Variants in CAB39L observed in about 807,000 individuals in gnomAD.
The protein encoded by CAB39L is calcium binding protein 39 like.
Under a neutral mutation model 39.1 loss-of-function variants are expected in CAB39L, and 23 were observed. The ratio of observed to expected loss-of-function variants is 0.59; its 90% CI spans 0.42 to 0.83. The LOEUF is 0.83. Among genes scored for constraint, CAB39L ranks in the 40% least tolerant of loss-of-function variants. The pLI is 0.00. For missense variants in CAB39L, 366 were observed against 391.9 expected, an observed-to-expected ratio of 0.93 and a Z score of 0.56; for synonymous variants, 126 against 137.2, an observed-to-expected ratio of 0.92 and a Z score of 0.57.
At chr13:49,406,424 C>A (rs1029761602) in intron 3 of CAB39L, among the ~76,000 whole-genome samples, 5 of 150,462 alleles carry the variant, frequency 3.3e-5, no homozygotes, top group African/African-American at 1.2e-4. Flanking sequence ...TCTTGATCCG[C>A]CTACCTCGGC....
intron 3 of CAB39L, among the ~76,000 whole-genome samples, chr13:49,386,297 C>A (rs1405832186): frequency 6.6e-6 from 1 of 152,100 alleles, no homozygotes; most frequent in East Asian, 1.9e-4. Flanking sequence ...TGGTGATAAG[C>A]ATTTTCTGAT....
intron 6 of CAB39L, among the ~76,000 whole-genome samples, chr13:49,357,436 A>C (rs1955517334): frequency 6.6e-6 from 1 of 152,228 alleles, no homozygotes; most frequent in African/African-American, 2.4e-5. Flanking sequence ...CAGGATGTGA[A>C]GGAATGAGTT....
chr13:49,372,397 TGTCCCTACCCCAG>T (rs1203756169), intron 5 of CAB39L, among the ~76,000 whole-genome samples: 9 of 152,178 alleles, frequency 5.9e-5, no homozygotes. Context: ...CCTCCAGTAT[TGTCCCTACCCCAG>T]TGGGCCACTT....
intron 3 of CAB39L, among the ~76,000 whole-genome samples, chr13:49,412,389 C>A (rs550121129): frequency 3.3e-5 from 5 of 151,018 alleles, no homozygotes; most frequent in African/African-American, 7.3e-5. Context: ...TGGCAAAAAC[C>A]ACAATTACTT....
At chr13:49,384,179 C>A (rs1029176595) in intron 3 of CAB39L, among the ~76,000 whole-genome samples, 3 of 152,178 alleles carry the variant, frequency 2.0e-5, no homozygotes, top group Non-Finnish European at 4.4e-5. Flanking sequence ...TATTCTAAAT[C>A]CTTTGTTGTC....
At position 49,353,696 on chromosome 13, in the gene CAB39L, T is replaced by C. The variant is rs1444225844; in HGVS notation, c.396-2784A>G. Among the ~76,000 whole-genome samples the C allele has an allele frequency of 2.0e-5, 3 of 152,070 alleles. No homozygotes were observed. In the East Asian group the frequency reaches 5.8e-4, roughly 29 times the overall value. ...TGTCTGTAATTTCTCTTTAACACTT[T>C]TTTCATTCTGTATTATGTTATACTG... On this transcript the variant is annotated intron_variant, in intron 6 of 10. Transcript: ENST00000409308.
At chr13:49,410,133 G>C (rs1264763590) in intron 3 of CAB39L, among the ~76,000 whole-genome samples, 2 of 152,092 alleles carry the variant, frequency 1.3e-5, no homozygotes, top group Non-Finnish European at 1.5e-5. Context: ...AGATCTTGGA[G>C]CCCCAAGATT....
intron 3 of CAB39L, among the ~76,000 whole-genome samples, chr13:49,399,684 A>G (rs1012137937): frequency 6.6e-6 from 1 of 152,038 alleles, no homozygotes; most frequent in Non-Finnish European, 1.5e-5. Flanking sequence ...TTATTTCTAT[A>G]TTTACATTCC....
At chr13:49,371,512 T>C (rs1482216762) in intron 5 of CAB39L, among the ~76,000 whole-genome samples, 1 of 152,148 alleles carries the variant, frequency 6.6e-6, no homozygotes, top group Non-Finnish European at 1.5e-5. Flanking sequence ...AGAAAAAGAT[T>C]ATTAGAGGAT....
intron 10 of CAB39L, among the ~76,000 whole-genome samples, chr13:49,325,060 T>A (rs1954458135): frequency 6.6e-6 from 1 of 152,182 alleles, no homozygotes; most frequent in Non-Finnish European, 1.5e-5. Context: ...AAGTAACATA[T>A]TTATATACTT....
At chr13:49,415,634 A>G (rs919669321) in intron 3 of CAB39L, among the ~76,000 whole-genome samples, 4 of 152,196 alleles carry the variant, frequency 2.6e-5, no homozygotes, top group Non-Finnish European at 5.9e-5. Context: ...CTGAGTTTCC[A>G]TTATAACCCC....
At chr13:49,336,127 C>CAA (rs199728869) in intron 9 of CAB39L, among the ~76,000 whole-genome samples, 116 of 115,562 alleles carry the variant, frequency 1.0e-3, no homozygotes, top group South Asian at 1.4e-3. Context: ...GTTTTTCTAG[C>CAA]AAAAAAAAAA....
intron 3 of CAB39L, chr13:49,413,732 C>A (rs9568197): frequency 0.19 from 28,839 of 152,058 alleles, 2,909 homozygotes; most frequent in East Asian, 0.44. Context: ...ACCCTTTTAA[C>A]TGGCTTCTAC....
intron 9 of CAB39L, among the ~76,000 whole-genome samples, chr13:49,339,411 G>A (rs750851641): frequency 4.6e-5 from 7 of 152,136 alleles, no homozygotes; most frequent in African/African-American, 4.8e-5. Flanking sequence ...GATTACAGGC[G>A]TAAGCCAAGA....
intron 5 of CAB39L, 71 bp from the exon 6 acceptor site, chr13:49,359,903 T>C (rs1337289409): frequency 3.8e-6 from 3 of 782,842 alleles, no homozygotes; most frequent in Non-Finnish European, 6.4e-6. Flanking sequence ...GTGGAATATA[T>C]ACATATATAT....
intron 9 of CAB39L, among the ~76,000 whole-genome samples, chr13:49,336,423 G>C (rs1284585087): frequency 6.6e-6 from 1 of 152,148 alleles, no homozygotes; most frequent in Non-Finnish European, 1.5e-5. Context: ...TAACTGTAAA[G>C]ATTTTAGGAG....
chr13:49,316,172 T>C (rs146812964), intron 10 of CAB39L, among the ~76,000 whole-genome samples: 69 of 152,184 alleles, frequency 4.5e-4, no homozygotes, highest in Middle Eastern at 3.4e-3. Context: ...AATGGCCTTA[T>C]AGAAATAAAA....
chr13:49,318,952 T>G (rs990603670), intron 10 of CAB39L, among the ~76,000 whole-genome samples: 8 of 152,078 alleles, frequency 5.3e-5, no homozygotes, highest in African/African-American at 1.9e-4. Context: ...ATTTGGCCAT[T>G]TAAAAGAATG....
At chr13:49,364,816 A>C (rs1245192665) in intron 5 of CAB39L, among the ~76,000 whole-genome samples, 1 of 152,176 alleles carries the variant, frequency 6.6e-6, no homozygotes, top group African/African-American at 2.4e-5. Context: ...AAAAGGAAAG[A>C]TATTCCGTGT....
Sources: allele counts gnomAD v4.1 joint callset (sites outside exome capture counted in the v4.1 genomes callset), GRCh38; gene constraint gnomAD v4.1.1; transcripts MANE v1.5; gene names NCBI Gene and HGNC (gene_info 2026-07-23, HGNC 2026-07-21).